Variants in MCM3 observed in about 807,000 individuals in gnomAD.
MCM3 encodes the protein DNA replication licensing factor MCM3.
In MCM3, 59 loss-of-function variants were observed where a neutral mutation model predicts 91.3. The ratio of observed to expected loss-of-function variants is 0.65; its 90% confidence interval spans 0.52 to 0.80. The LOEUF (loss-of-function observed/expected upper bound fraction) is 0.80. MCM3 is among the 30% of genes least tolerant of loss of function. The pLI, the probability that MCM3 is intolerant of heterozygous loss-of-function variation, is 0.00. For missense variants in MCM3, 919 were observed against 1,035.4 expected (o/e 0.89, Z 1.54); for synonymous variants, 383 against 379.6 (o/e 1.01, Z -0.10).
Position 52,266,607 on chromosome 6 carries a change from T to A in MCM3, c.2158+4A>T. ...CTCTTTCATCAGTAAGTGGGCTCAC[T>A]CACCTTGAGGCATTTCCTCCTCTGT... is the stretch of plus-strand genomic sequence containing the variant. On this transcript the variant is annotated splice_donor_region_variant and intron_variant, in intron 15 of 16. Coordinates refer to ENST00000596288, the MANE Select transcript of MCM3 (RefSeq NM_002388.6). 1 of 1,613,540 alleles carries A rather than the reference T, an allele frequency of 6.2e-7. No individual in the cohort carries two copies. Among genetic ancestry groups the A allele is most frequent in the Non-Finnish European group, 8.5e-7 (1 of 1,179,476 alleles).
chr6:52,282,934 ATTCT>A (rs1766257221), intron 2 of MCM3, 73 bp from the exon 3 acceptor site: 1 of 1,039,824 alleles, frequency 9.6e-7, no homozygotes, highest in Non-Finnish European at 1.5e-6. Flanking sequence ...AACAGCAGAC[ATTCT>A]TAGATCATTA....
chr6:52,264,316 A>T lies in MCM3; in HGVS notation c.*272T>A, dbSNP rs1465217756. ...ACAATTGGGTTTGTGTGGGATGGGA[A>T]GTAGGGCGGATGAGCCAGTGCTTTT... On this transcript the variant is annotated 3_prime_UTR_variant, in exon 17 of 17. Transcript: ENST00000596288. 1 of 422,910 alleles carries T rather than the reference A, an allele frequency of 2.4e-6. No individual in the cohort carries two copies. 26.2% of individuals were successfully genotyped at this position (422,910 alleles called of 1,614,324 possible).
intron 3 of MCM3, 67 bp downstream of exon 3, chr6:52,282,586 T>C: frequency 6.8e-7 from 1 of 1,481,078 alleles, no homozygotes; most frequent in Admixed American, 1.7e-5. Context: ...AGATCTACTT[T>C]GCCTCTCCTG....
Position 52,266,094 on chromosome 6 carries a change from C to T in MCM3, c.2209G>A (p.Val737Met). The T allele has an allele frequency of 6.2e-7, 1 of 1,614,148 alleles. No homozygotes were observed. Among genetic ancestry groups the T allele is most frequent in the Non-Finnish European group, 8.5e-7 (1 of 1,179,986 alleles). The change falls in exon 16 of 17, where the codon GTG becomes ATG. Residue 737 changes from valine to methionine, a missense_variant. By Grantham distance (21) the Val-to-Met change is conservative. Transcript: ENST00000596288. ...ACTCACCTGGATTCACTCAACTCCA[C>T]TTTCTGGGATTCCTTGGTCTCCTGT... ...DSQETKESQKVELSESRLKAF... is the reference protein window; with the variant it reads ...DSQETKESQKMELSESRLKAF...
At chr6:52,269,889 T>C (rs1764954775) in intron 12 of MCM3, among the ~76,000 whole-genome samples, 1 of 152,232 alleles carries the variant, frequency 6.6e-6, no homozygotes, top group Admixed American at 6.5e-5. Flanking sequence ...GAAATCTCAG[T>C]GTTTAGGACT....
intron 11 of MCM3, 114 bp downstream of exon 11, chr6:52,273,116 C>G (rs996120678): frequency 3.2e-6 from 4 of 1,258,698 alleles, no homozygotes; most frequent in Non-Finnish European, 3.4e-6. Context: ...GGTTATGACT[C>G]CAGGCATGGC....
Position 52,282,036 on chromosome 6 carries a change from C to T in MCM3, c.531+9G>A. 6.2e-7 allele frequency: 1 copy of T among 1,613,332 alleles called. No homozygotes were observed. The highest frequency in any genetic ancestry group is 1.1e-5 in the South Asian group (1 of 90,906). The stretch of plus-strand genomic sequence containing the variant: ...CTCCAAGACAGCTCAACTGATTTAT[C>T]CCCCTTACCTTGGTAGGATAGACAG... On this transcript the variant is annotated intron_variant, in intron 4 of 16. Coordinates refer to ENST00000596288, the MANE Select transcript of MCM3 (RefSeq NM_002388.6).
intron 1 of MCM3, 61 bp from the exon 2 acceptor site, chr6:52,283,467 G>T: frequency 1.7e-6 from 2 of 1,195,786 alleles, no homozygotes; most frequent in Non-Finnish European, 2.5e-6. Flanking sequence ...TTTCTAAACA[G>T]AAGTAGTTCT....
In MCM3 at chr6:52,269,238, A is replaced by C; in HGVS notation, c.1828-12T>G. 6.2e-7 allele frequency: 1 copy of C among 1,601,046 alleles called. No individual in the cohort carries two copies. Among genetic ancestry groups the C allele is most frequent in the East Asian group, 2.2e-5 (1 of 44,468 alleles). ...GTAACTGGAGATGTCTAGGGAAGAA[A>C]AGGGAGGATTGCTTATCCCAAGTCT... On this transcript the variant is annotated splice_polypyrimidine_tract_variant and intron_variant, in intron 12 of 16. Coordinates refer to ENST00000596288, the MANE Select transcript of MCM3 (RefSeq NM_002388.6).
Position 52,264,530 on chromosome 6 carries a change from G to C in MCM3, c.*58C>G. 1 of 1,579,082 alleles carries C rather than the reference G, an allele frequency of 6.3e-7. No homozygotes were observed. Among genetic ancestry groups the C allele is most frequent in the Admixed American group, 1.7e-5 (1 of 59,860 alleles). Reference sequence around the variant, plus strand: ...AGGCAAAGACTTGGGTCAGGGAGAGGGTGGGAAACACAGAACAAACTCTCT... The same window carrying C: ...AGGCAAAGACTTGGGTCAGGGAGAGCGTGGGAAACACAGAACAAACTCTCT... On this transcript the variant is annotated 3_prime_UTR_variant, in exon 17 of 17. Coordinates refer to ENST00000596288, the MANE Select transcript of MCM3 (RefSeq NM_002388.6).
Position 52,264,790 on chromosome 6 carries a change from C to A in MCM3, c.2229-4G>T, listed in dbSNP as rs764045452. The A allele has an allele frequency of 7.4e-6, 12 of 1,613,250 alleles. No individual in the cohort carries two copies. In the East Asian group the frequency reaches 2.0e-4, roughly 27 times the overall value. ...GGCCACCTTGAATGCCTTCAACCTG[C>A]CCCAGACAGAAGAAAGGGGGAAGAG... On this transcript the variant is annotated splice_region_variant and splice_polypyrimidine_tract_variant and intron_variant, in intron 16 of 16. Transcript: ENST00000596288.
At chr6:52,270,183 G>T (rs1352951160) in intron 12 of MCM3, among the ~76,000 whole-genome samples, 1 of 151,974 alleles carries the variant, frequency 6.6e-6, no homozygotes, top group Non-Finnish European at 1.5e-5. Flanking sequence ...AGAAAAATTA[G>T]CCCGGTGTGG....
Position 52,272,288 on chromosome 6 carries a change from C to T in MCM3, c.1827+13G>A, listed in dbSNP as rs767385884. 6.2e-7 allele frequency: 1 copy of T among 1,613,216 alleles called. No individual in the cohort carries two copies. The highest frequency in any genetic ancestry group is 1.1e-5 in the South Asian group (1 of 91,016). On this transcript the variant is annotated intron_variant, in intron 12 of 16. Coordinates refer to ENST00000596288, the MANE Select transcript of MCM3 (RefSeq NM_002388.6). ...CTAAGGGACCCCAAGCCTAGGCTCC[C>T]CCAGGCACTCACCCTGGCGGTGTCT...
At position 52,282,051 on chromosome 6, in the gene MCM3, A is replaced by T; in HGVS notation, c.525T>A (p.Pro175=). 1 of 1,614,080 alleles carries T rather than the reference A, an allele frequency of 6.2e-7. No homozygotes were observed. Among genetic ancestry groups the T allele is most frequent in the Non-Finnish European group, 8.5e-7 (1 of 1,179,976 alleles). ...LVAFPSSSVY[P]TKDEENNPLE... Reference sequence around the variant, plus strand: ...ACTGATTTATCCCCCTTACCTTGGTAGGATAGACAGAGCTGGAGGGAAAGG... The same window carrying T: ...ACTGATTTATCCCCCTTACCTTGGTTGGATAGACAGAGCTGGAGGGAAAGG... Residue 175 remains proline, a synonymous_variant, in exon 4 of 17, where the codon CCT becomes CCA. Coordinates refer to ENST00000596288, the MANE Select transcript of MCM3 (RefSeq NM_002388.6).
chr6:52,283,264 T>G (rs1355465841), intron 2 of MCM3, 30 bp downstream of exon 2: 25 of 1,576,570 alleles, frequency 1.6e-5, no homozygotes, highest in Non-Finnish European at 2.1e-5. Flanking sequence ...CCATTCTCAC[T>G]GACAGCCAGT....
Position 52,267,965 on chromosome 6 carries a change from G to A in MCM3, c.1972C>T (p.Leu658=). 6.2e-7 allele frequency: 1 copy of A among 1,613,666 alleles called. No individual in the cohort carries two copies. Residue 658 remains leucine, a synonymous_variant, in exon 14 of 17, where the codon CTG becomes TTG. Coordinates refer to ENST00000596288, the MANE Select transcript of MCM3 (RefSeq NM_002388.6). ...TTCTTACGTTTCTTCTCCTTCTCCA[G>A]AACCTAAGACCAAGGCAAGTGTGGC... ...LVQYAYFKKV[L]EKEKKRKKRS...
chr6:52,273,562 CAAAAGACACA>C (rs1219489486), intron 10 of MCM3, among the ~76,000 whole-genome samples, 170 bp downstream of exon 10: 3 of 152,082 alleles, frequency 2.0e-5, no homozygotes, highest in Non-Finnish European at 2.9e-5. Context: ...CAGAAATGGA[CAAAAGACACA>C]CCTTAGGATA....
intron 9 of MCM3, among the ~76,000 whole-genome samples, chr6:52,275,806 T>C (rs926240516): frequency 4.6e-5 from 7 of 152,356 alleles, no homozygotes; most frequent in African/African-American, 1.7e-4. Flanking sequence ...ATCACAGTCA[T>C]GGTAAAAACA....
Position 52,280,715 on chromosome 6 carries a change from A to G in MCM3, c.532-1116T>C, listed in dbSNP as rs1766015495. ...TACTTCCTGAAGAGGAAATTCTAAA[A>G]AAGTGGAGATCTTAAGGTCCGAAGA... On this transcript the variant is annotated intron_variant, in intron 4 of 16. Transcript: ENST00000596288. Among the ~76,000 whole-genome samples the G allele has an allele frequency of 2.6e-5, 4 of 152,256 alleles. No homozygotes were observed. The South Asian group carries it at 6.2e-4, about 24-fold the overall frequency.
Sources: gnomAD v4.1 joint callset for allele counts (sites outside exome capture counted in the v4.1 genomes callset) on GRCh38, gnomAD v4.1.1 for gene constraint, MANE v1.5 for transcripts, NCBI Gene and HGNC (gene_info 2026-07-23, HGNC 2026-07-21) for gene names.